The following NECAB3 variants were observed in gnomAD, a reference collection of about 807,000 sequenced individuals.
NECAB3 encodes the protein N-terminal EF-hand calcium binding protein 3, also known as N-terminal EF-hand calcium-binding protein 3.
A neutral mutation model predicts 57.2 loss-of-function variants in NECAB3; 38 were observed. The ratio of observed to expected loss-of-function variants is 0.66; its 90% CI spans 0.51 to 0.87. NECAB3 has a LOEUF of 0.87. Ranked by LOEUF, NECAB3 falls within the 40% of genes least tolerant of loss-of-function variation. The pLI is 0.00. For missense variants in NECAB3, 474 were observed against 527.5 expected (o/e 0.90, Z 0.99); for synonymous variants, 223 against 222.6 (o/e 1.00, Z -0.02).
At position 33,660,418 on chromosome 20, in the gene NECAB3, C is replaced by G. The variant is rs780780748; in HGVS notation, c.388-23G>C. ...CTCCTGTGGGCCAAGGAGGGACGGT[C>G]AGCATCTCCCAGCCCGGGCACTGAT... On this transcript the variant is annotated intron_variant, in intron 5 of 11. Transcript: ENST00000246190. The surrounding 1 kb of genome is among the most constrained non-coding windows in gnomAD (Gnocchi z 4.1). The G allele has an allele frequency of 1.2e-6, 2 of 1,608,918 alleles. No homozygotes were observed. The highest frequency in any genetic ancestry group is 4.5e-5 in the East Asian group (2 of 44,736).
chr20:33,666,259 C>T (rs907816593), intron 5 of NECAB3, among the ~76,000 whole-genome samples: 1 of 152,116 alleles, frequency 6.6e-6, no homozygotes, highest in Admixed American at 6.5e-5. Context: ...CACATCTGGA[C>T]AGAGTACATC....
intron 5 of NECAB3, among the ~76,000 whole-genome samples, chr20:33,668,896 C>CAT (rs1436709867): frequency 6.6e-6 from 1 of 152,250 alleles, no homozygotes; most frequent in East Asian, 1.9e-4. Context: ...CTTGTGTATA[C>CAT]ACGTGTCCAC....
chr20:33,668,096 T>C (rs1601170683), intron 5 of NECAB3: 1 of 1,602,636 alleles, frequency 6.2e-7, no homozygotes, highest in East Asian at 2.3e-5. Flanking sequence ...CCCCACCTGG[T>C]GGCCAAGCAT....
At chr20:33,667,961 T>C (rs1260939176) in intron 5 of NECAB3, 5 of 1,551,220 alleles carry the variant, frequency 3.2e-6, no homozygotes, top group Non-Finnish European at 4.4e-6. Flanking sequence ...CCCAAAACGC[T>C]GCGGACACGC....
In NECAB3 at chr20:33,660,331, C is replaced by T. The variant is rs765110272; in HGVS notation, c.452G>A (p.Ser151Asn). The change falls in exon 6 of 12, where the codon AGC (serine) becomes AAC (asparagine). Residue 151 changes from serine to asparagine, a missense_variant. Physicochemically the swap from Ser to Asn is conservative, Grantham distance 46 (BLOSUM62 1). Coordinates refer to ENST00000246190, the MANE Select transcript of NECAB3 (RefSeq NM_031232.4). The surrounding 1 kb of genome is among the most constrained non-coding windows in gnomAD (Gnocchi z 4.1). Reference protein sequence around the residue: ...VTRFLLRETVSQLQALQSSLE... With the variant: ...VTRFLLRETVNQLQALQSSLE... ...CGAGCTCTGAAGGGCTTGCAGCTGG[C>T]TCACCGTCTCCCGCAGCAGGAAGCG... 3.7e-6 allele frequency: 6 copies of T among 1,613,504 alleles called. No individual in the cohort carries two copies. The East Asian group carries it at 1.1e-4, about 30-fold the overall frequency.
At chr20:33,668,283 T>C (rs1303499956) in intron 5 of NECAB3, 2 of 1,534,444 alleles carry the variant, frequency 1.3e-6, no homozygotes, top group Non-Finnish European at 8.8e-7. Context: ...GACAGCTCTC[T>C]ATCTAAAGAG....
chr20:33,658,145 CCT>C (rs1253085193), intron 10 of NECAB3, 112 bp from the exon 11 acceptor site: 7 of 940,160 alleles, frequency 7.4e-6, no homozygotes, highest in Middle Eastern at 3.3e-4. Flanking sequence ...AGTCCTCTCC[CCT>C]GTGACACGGG....
intron 1 of NECAB3, among the ~76,000 whole-genome samples, chr20:33,672,970 C>G (rs765316280): frequency 7.9e-5 from 12 of 152,188 alleles, no homozygotes; most frequent in Non-Finnish European, 1.6e-4. Flanking sequence ...GCAAATAGAT[C>G]AGGAGCAGCT....
chr20:33,657,819 C>T lies in NECAB3; in HGVS notation c.*10G>A, dbSNP rs1404751006. 2.0e-6 allele frequency: 3 copies of T among 1,531,156 alleles called. No individual in the cohort carries two copies. The African/African-American group carries it at 4.1e-5, about 21-fold the overall frequency. 94.8% of individuals were successfully genotyped at this position (1,531,156 alleles called of 1,614,324 possible). A position where few individuals can be genotyped will look rare whatever the true frequency, so the allele number is the denominator to read the frequency against. ...AGGGTCCCGGGGCCCTCGGCGTGTG[C>T]AGGTCTGGCTCAGTTGTTATTCATT... On this transcript the variant is annotated 3_prime_UTR_variant, in exon 12 of 12. Coordinates refer to ENST00000246190, the MANE Select transcript of NECAB3 (RefSeq NM_031232.4).
rs1317954987 is a variant in NECAB3 at position 33,660,796 on chromosome 20, G to A, written c.388-401C>T. Among the ~76,000 whole-genome samples, 2 of 152,234 alleles carry A rather than the reference G, an allele frequency of 1.3e-5. No homozygotes were observed. The highest frequency in any genetic ancestry group is 2.9e-5 in the Non-Finnish European group (2 of 68,036). On this transcript the variant is annotated intron_variant, in intron 5 of 11. Transcript: ENST00000246190. The surrounding 1 kb of genome is among the most constrained non-coding windows in gnomAD (Gnocchi z 4.1). Reference sequence around the variant, plus strand: ...TGACACAAGGCAAAATAATGGCGTGGTGTGGCCCCAGACTCACAATCTACG... The same window carrying A: ...TGACACAAGGCAAAATAATGGCGTGATGTGGCCCCAGACTCACAATCTACG...
At chr20:33,663,791 G>C (rs1054452095) in intron 5 of NECAB3, 27 of 1,425,052 alleles carry the variant, frequency 1.9e-5, no homozygotes, top group Non-Finnish European at 2.4e-5. Context: ...CGGTCCCCGG[G>C]GAAGGCTCCC....
chr20:33,672,742 C>CTG (rs2017855124), intron 1 of NECAB3, among the ~76,000 whole-genome samples: 1 of 152,200 alleles, frequency 6.6e-6, no homozygotes, highest in Non-Finnish European at 1.5e-5. Flanking sequence ...TCTGATACAT[C>CTG]AGCCCCTGGC....
intron 8 of NECAB3, 102 bp from the exon 9 acceptor site, chr20:33,658,936 T>G: frequency 2.5e-6 from 2 of 807,736 alleles, no homozygotes; most frequent in Non-Finnish European, 2.0e-6. Context: ...GTTTGTTTGT[T>G]TTTTAAGACA....
intron 5 of NECAB3, chr20:33,662,400 G>A (rs764012849): frequency 5.8e-6 from 9 of 1,551,510 alleles, no homozygotes; most frequent in Non-Finnish European, 7.8e-6. Context: ...GGCCCGCAAG[G>A]AGAGGCCGGC....
intron 5 of NECAB3, chr20:33,667,600 G>A (rs763285000): frequency 1.2e-4 from 195 of 1,582,612 alleles, no homozygotes; most frequent in Middle Eastern, 3.3e-4. Context: ...CATCTACGCG[G>A]GTCACTCGTG....
At position 33,658,923 on chromosome 20, in the gene NECAB3, T is replaced by C. The variant is rs540100915; in HGVS notation, c.880-89A>G. ...CCTCCAGGAGGTTCTCAGCTGTTTT[T>C]CTGTTTGTTTGTTTTTTAAGACAGG... On this transcript the variant is annotated intron_variant, in intron 8 of 11. Coordinates refer to ENST00000246190, the MANE Select transcript of NECAB3 (RefSeq NM_031232.4). 2.4e-5 allele frequency: 22 copies of C among 908,604 alleles called. No homozygotes were observed. The East Asian group carries it at 5.5e-4, about 23-fold the overall frequency. The allele number at this position is 908,604 out of a possible 1,614,324, so 56.3% of individuals were successfully genotyped here. A position where few individuals can be genotyped will look rare whatever the true frequency, so the allele number is the denominator to read the frequency against.
chr20:33,669,160 C>T, intron 5 of NECAB3: 1 of 567,644 alleles, frequency 1.8e-6, no homozygotes, highest in South Asian at 2.2e-5. Context: ...TCACTGGTCA[C>T]AGTGATGTAT....
intron 8 of NECAB3, among the ~76,000 whole-genome samples, 166 bp from the exon 9 acceptor site, chr20:33,659,000 C>T (rs372068153): frequency 6.6e-6 from 1 of 152,192 alleles, no homozygotes; most frequent in Non-Finnish European, 1.5e-5. Flanking sequence ...TCACGGCTTA[C>T]TGCAGCTTCT....
chr20:33,659,870 C>T lies in NECAB3; in HGVS notation c.643+15G>A, dbSNP rs1267025513. Reference sequence around the variant, plus strand: ...GCCTGCCTCGGCCAGGCCTCCCACCCCACCCCAGGCGCACCTGTGTCAGAA... The same window carrying T: ...GCCTGCCTCGGCCAGGCCTCCCACCTCACCCCAGGCGCACCTGTGTCAGAA... On this transcript the variant is annotated intron_variant, in intron 7 of 11. Coordinates refer to ENST00000246190, the MANE Select transcript of NECAB3 (RefSeq NM_031232.4). The T allele has an allele frequency of 1.9e-6, 3 of 1,541,644 alleles. No individual in the cohort carries two copies. Among genetic ancestry groups the T allele is most frequent in the Non-Finnish European group, 2.6e-6 (3 of 1,146,684 alleles).
Sources: gnomAD v4.1 joint callset for allele counts (sites outside exome capture counted in the v4.1 genomes callset) on GRCh38, gnomAD v4.1.1 for gene constraint, Gnocchi (gnomAD v3.1) non-coding constraint, MANE v1.5 for transcripts, NCBI Gene and HGNC (gene_info 2026-07-23, HGNC 2026-07-21) for gene names.